The following CMTR1 variants were observed in gnomAD, a reference collection of about 807,000 sequenced individuals.
CMTR1 encodes the protein cap methyltransferase 1.
Under a neutral mutation model 107.0 loss-of-function variants are expected in CMTR1, and 39 were observed. The observed-to-expected ratio is 0.36, with a 90% CI of 0.28 to 0.48. The LOEUF (loss-of-function observed/expected upper bound fraction) is 0.48. CMTR1 is among the 20% of genes least tolerant of loss of function. The pLI, the probability that CMTR1 is intolerant of heterozygous loss-of-function variation, is 0.99. For missense variants in CMTR1, 672 were observed against 1,064.9 expected, an observed-to-expected ratio of 0.63 and a Z score of 5.14; for synonymous variants, 366 against 379.5, an observed-to-expected ratio of 0.96 and a Z score of 0.41.
intron 13 of CMTR1, among the ~76,000 whole-genome samples, chr6:37,466,217 A>G (rs1761509839): frequency 1.3e-5 from 2 of 151,144 alleles, no homozygotes; most frequent in Admixed American, 6.6e-5. Flanking sequence ...GGTTCAAGCA[A>G]TTCTCCCATC....
At chr6:37,470,081 A>G (rs1183258988) in intron 13 of CMTR1, among the ~76,000 whole-genome samples, 1 of 151,132 alleles carries the variant, frequency 6.6e-6, no homozygotes, top group Non-Finnish European at 1.5e-5. Context: ...TAGAATTTCT[A>G]TTTGCCTTTT....
At chr6:37,438,426 G>T (rs1771588486) in intron 2 of CMTR1, among the ~76,000 whole-genome samples, 1 of 152,120 alleles carries the variant, frequency 6.6e-6, no homozygotes. Flanking sequence ...CCAGTTCCTT[G>T]TATGTGTCTG....
chr6:37,473,453 C>T lies in CMTR1; in HGVS notation c.1690-17C>T. 6.2e-7 allele frequency: 1 copy of T among 1,609,872 alleles called. No individual in the cohort carries two copies. The highest frequency in any genetic ancestry group is 8.5e-7 in the Non-Finnish European group (1 of 1,177,606). ...TTCCCCCAACCCGGCAGTGTTTTCT[C>T]TGACTCGTGGCTGCAGGGCACTGAG... On this transcript the variant is annotated splice_polypyrimidine_tract_variant and intron_variant, in intron 16 of 23. Transcript: ENST00000373451.
intron 2 of CMTR1, among the ~76,000 whole-genome samples, chr6:37,437,013 A>T (rs1771543147): frequency 6.6e-6 from 1 of 152,160 alleles, no homozygotes; most frequent in Non-Finnish European, 1.5e-5. Flanking sequence ...TGGTCCAGAG[A>T]GAAGCTTGAC....
In CMTR1 at chr6:37,480,803, C is replaced by T. The variant is rs1761837723; in HGVS notation, c.*658C>T. 1 of 1,124,324 alleles carries T rather than the reference C, an allele frequency of 8.9e-7. No individual in the cohort carries two copies. The highest frequency in any genetic ancestry group is 2.1e-5 in the South Asian group (1 of 48,472). The allele number at this position is 1,124,324 out of a possible 1,614,324, so 69.6% of individuals were successfully genotyped here. A position where few individuals can be genotyped will look rare whatever the true frequency, so the allele number is the denominator to read the frequency against. On this transcript the variant is annotated 3_prime_UTR_variant, in exon 24 of 24. Coordinates refer to ENST00000373451, the MANE Select transcript of CMTR1 (RefSeq NM_015050.3). ...AGGGAGTTTGGGCAAACTCTCATCC[C>T]TGATACCACATTGAGATCCTGGGAG...
rs1581758794 is a variant in CMTR1, at chr6:37,480,399, C to T, written c.*254C>T. 1 of 1,314,572 alleles carries T rather than the reference C, an allele frequency of 7.6e-7. No individual in the cohort carries two copies. The highest frequency in any genetic ancestry group is 1.8e-5 in the South Asian group (1 of 54,138). 81.4% of individuals were successfully genotyped at this position (1,314,572 alleles called of 1,614,324 possible). A position where few individuals can be genotyped will look rare whatever the true frequency, so the allele number is the denominator to read the frequency against. On this transcript the variant is annotated 3_prime_UTR_variant, in exon 24 of 24. Coordinates refer to ENST00000373451, the MANE Select transcript of CMTR1 (RefSeq NM_015050.3). ...AGGACTCAGCCTGAAGGAAGCTGCT[C>T]CTGAGGCAGGTATGAGGTCAGTGCC...
intron 1 of CMTR1, among the ~76,000 whole-genome samples, chr6:37,434,998 T>C (rs1771494790): frequency 6.6e-6 from 1 of 152,186 alleles, no homozygotes; most frequent in South Asian, 2.1e-4. Context: ...CTACCTCCAG[T>C]CCCAATAACT....
At chr6:37,466,860 T>C (rs1031563809) in intron 13 of CMTR1, among the ~76,000 whole-genome samples, 6 of 152,290 alleles carry the variant, frequency 3.9e-5, no homozygotes, top group African/African-American at 1.4e-4. Flanking sequence ...ATTTTTAATG[T>C]TATAAATTTT....
At chr6:37,434,784 T>G (rs1419043789) in intron 1 of CMTR1, among the ~76,000 whole-genome samples, 2 of 151,690 alleles carry the variant, frequency 1.3e-5, no homozygotes, top group East Asian at 3.9e-4. Context: ...AATTTTTGTG[T>G]TTTTTTTACT....
chr6:37,475,138 C>A (rs1163175705), intron 18 of CMTR1, among the ~76,000 whole-genome samples, 183 bp from the exon 19 acceptor site: 2 of 152,206 alleles, frequency 1.3e-5, no homozygotes, highest in South Asian at 4.1e-4. Context: ...TTACCCTGCT[C>A]AGAAGCCGAG....
At chr6:37,476,556 G>C (rs1761741729) in intron 20 of CMTR1, among the ~76,000 whole-genome samples, 1 of 152,152 alleles carries the variant, frequency 6.6e-6, no homozygotes, top group South Asian at 2.1e-4. Context: ...GAGGGAATAG[G>C]AATTTTGAAC....
At chr6:37,468,335 CTTTAT>C (rs1221934381) in intron 13 of CMTR1, among the ~76,000 whole-genome samples, 1 of 152,086 alleles carries the variant, frequency 6.6e-6, no homozygotes, top group African/African-American at 2.4e-5. Context: ...ATAAACTCTA[CTTTAT>C]ATTGTTACTA....
intron 17 of CMTR1, among the ~76,000 whole-genome samples, 171 bp from the exon 18 acceptor site, chr6:37,474,353 A>G (rs1482027695): frequency 6.6e-6 from 1 of 152,226 alleles, no homozygotes; most frequent in Non-Finnish European, 1.5e-5. Context: ...GGAGAACACT[A>G]CTATCATTAT....
At chr6:37,447,631 C>T (rs1362055692) in intron 4 of CMTR1, among the ~76,000 whole-genome samples, 2 of 152,066 alleles carry the variant, frequency 1.3e-5, no homozygotes, top group East Asian at 1.9e-4. Flanking sequence ...GAGGCCGAGG[C>T]GGGTGGATCA....
chr6:37,478,585 G>A, intron 22 of CMTR1, 64 bp downstream of exon 22: 2 of 1,341,616 alleles, frequency 1.5e-6, no homozygotes, highest in Non-Finnish European at 1.1e-6. Flanking sequence ...CAGGTGATGG[G>A]TCCAGACCCT....
At chr6:37,443,166 T>C (rs2113866337) in intron 2 of CMTR1, among the ~76,000 whole-genome samples, 1 of 152,336 alleles carries the variant, frequency 6.6e-6, no homozygotes, top group Non-Finnish European at 1.5e-5. Context: ...TTTATTGGTC[T>C]TCTTGTATAT....
chr6:37,451,754 C>A, intron 5 of CMTR1, 52 bp from the exon 6 acceptor site: 1 of 1,375,364 alleles, frequency 7.3e-7, no homozygotes, highest in Non-Finnish European at 1.0e-6. Context: ...CATTCATCCC[C>A]GACAATTGCA....
At chr6:37,461,909 A>C in intron 11 of CMTR1, 61 bp from the exon 12 acceptor site, 4 of 1,570,640 alleles carry the variant, frequency 2.5e-6, no homozygotes, top group Non-Finnish European at 2.6e-6. Context: ...TCCCAAGACT[A>C]CTTCACCCAT....
intron 13 of CMTR1, among the ~76,000 whole-genome samples, chr6:37,470,367 T>C (rs997261989): frequency 2.0e-5 from 3 of 151,868 alleles, no homozygotes; most frequent in East Asian, 1.9e-4. Flanking sequence ...AGGATGGTCT[T>C]GATCTCCTGA....
Sources: gnomAD v4.1 joint callset for allele counts (sites outside exome capture counted in the v4.1 genomes callset) on GRCh38, gnomAD v4.1.1 for gene constraint, MANE v1.5 for transcripts, NCBI Gene and HGNC (gene_info 2026-07-23, HGNC 2026-07-21) for gene names.